TNRC6C: variants seen among roughly 807,000 people sequenced by gnomAD.
TNRC6C encodes the protein trinucleotide repeat containing adaptor 6C, also known as trinucleotide repeat-containing gene 6C protein.
In TNRC6C, 20 loss-of-function variants were observed where a neutral mutation model predicts 153.7. That is an observed-to-expected ratio of 0.13 (90% CI 0.09 to 0.19). TNRC6C has a LOEUF of 0.19. Among genes scored for constraint, TNRC6C ranks in the 10% least tolerant of loss-of-function variants. The pLI is 1.00. For missense variants in TNRC6C, 1,987 were observed against 2,172.0 expected, an observed-to-expected ratio of 0.91 and a Z score of 1.69; for synonymous variants, 811 against 841.4, an observed-to-expected ratio of 0.96 and a Z score of 0.63.
At chr17:78,074,680 G>A (rs1345719784) in intron 7 of TNRC6C, among the ~76,000 whole-genome samples, 1 of 152,222 alleles carries the variant, frequency 6.6e-6, no homozygotes, top group Non-Finnish European at 1.5e-5. Context: ...GGAGAGGCAT[G>A]GCCATGAAGT....
chr17:78,038,801 A>G (rs2072233298), intron 2 of TNRC6C, among the ~76,000 whole-genome samples: 2 of 151,790 alleles, frequency 1.3e-5, no homozygotes, highest in South Asian at 2.1e-4. Flanking sequence ...ATATTCCTCT[A>G]TTGTAATAAC....
chr17:78,068,064 T>G (rs1567949307), intron 5 of TNRC6C, 141 bp downstream of exon 7: 1 of 935,650 alleles, frequency 1.1e-6, no homozygotes, highest in Non-Finnish European at 1.5e-6. Flanking sequence ...CCAGAGACCC[T>G]TTCAGGGGAG....
At chr17:77,975,905 C>T (rs1046574098) in intron 1 of TNRC6C, among the ~76,000 whole-genome samples, 1 of 152,110 alleles carries the variant, frequency 6.6e-6, no homozygotes, top group Non-Finnish European at 1.5e-5. Flanking sequence ...TTATTTTTCT[C>T]ATTCCATGGT....
intron 6 of TNRC6C, among the ~76,000 whole-genome samples, chr17:78,071,538 C>T (rs930458346): frequency 6.6e-6 from 1 of 151,958 alleles, no homozygotes; most frequent in African/African-American, 2.4e-5. Context: ...CAGGCGTGAG[C>T]CACCATGCTC....
intron 3 of TNRC6C, among the ~76,000 whole-genome samples, chr17:78,059,180 G>A (rs1043077707): frequency 6.6e-6 from 1 of 152,206 alleles, no homozygotes; most frequent in Non-Finnish European, 1.5e-5. Flanking sequence ...GCAAGATCCT[G>A]TTACAGCTCA....
chr17:78,056,630 A>G (rs1033598880), intron 3 of TNRC6C, among the ~76,000 whole-genome samples: 11 of 150,976 alleles, frequency 7.3e-5, no homozygotes, highest in Admixed American at 2.0e-4. Flanking sequence ...CGCTCGGCTA[A>G]TTTTTTTTGT....
chr17:78,103,693 G>C (rs1366839477), intron 19 of TNRC6C, 140 bp downstream of exon 22: 4 of 1,250,136 alleles, frequency 3.2e-6, no homozygotes, highest in Non-Finnish European at 4.3e-6. Context: ...CTGGAGGCTG[G>C]AAGTCTGATA....
At chr17:78,027,023 A>G (rs2071954787) in intron 1 of TNRC6C, among the ~76,000 whole-genome samples, 1 of 152,166 alleles carries the variant, frequency 6.6e-6, no homozygotes. Flanking sequence ...GAAGTGTATC[A>G]AGTATAAAAG....
chr17:78,008,231 T>C (rs1323878231), intron 1 of TNRC6C, among the ~76,000 whole-genome samples: 1 of 152,248 alleles, frequency 6.6e-6, no homozygotes, highest in Non-Finnish European at 1.5e-5. Flanking sequence ...ATATGTAGCA[T>C]GCTTTCCTAC....
At chr17:78,086,855 T>A (rs1264091578) in exon 13 of TNRC6C, 1 of 1,611,668 alleles carries the variant, frequency 6.2e-7, no homozygotes, top group Admixed American at 1.7e-5. Context: ...CCTGCCAGGT[T>A]GCGCGCACAA....
At chr17:78,017,040 A>G (rs997916444) in intron 1 of TNRC6C, among the ~76,000 whole-genome samples, 1 of 152,152 alleles carries the variant, frequency 6.6e-6, no homozygotes, top group Non-Finnish European at 1.5e-5. Context: ...AAGTGTATGG[A>G]ACTGATAAAC....
chr17:78,042,764 ATGG>A (rs1390188120), intron 2 of TNRC6C, among the ~76,000 whole-genome samples: 4 of 151,580 alleles, frequency 2.6e-5, no homozygotes, highest in East Asian at 1.9e-4. Context: ...GGTGGTGATC[ATGG>A]TGGTGGTGCT....
chr17:77,990,395 T>C lies in TNRC6C; in HGVS notation c.-37-13775T>C, dbSNP rs531964146. Among the ~76,000 whole-genome samples the C allele has an allele frequency of 2.4e-4, 37 of 152,328 alleles. 1 individual carries two copies. The highest frequency in any genetic ancestry group is 1.6e-3 in the Admixed American group (24 of 15,292). ...CTCTGAAGATAAAGACAAAAAAATT[T>C]AACCTAAGTCTTCCCCACCAGACTG... On this transcript the variant is annotated intron_variant, in intron 1 of 22. Coordinates refer to the TNRC6C transcript ENST00000636222.
At chr17:78,021,431 G>A (rs903475618) in intron 1 of TNRC6C, among the ~76,000 whole-genome samples, 11 of 152,228 alleles carry the variant, frequency 7.2e-5, no homozygotes, top group Admixed American at 2.0e-4. Context: ...AAAAGCACCT[G>A]CGTTTCTAAG....
intron 2 of TNRC6C, among the ~76,000 whole-genome samples, chr17:78,038,069 A>C (rs1404677676): frequency 6.6e-6 from 1 of 152,230 alleles, no homozygotes; most frequent in Non-Finnish European, 1.5e-5. Flanking sequence ...AGCCATATGC[A>C]AGACAAATAT....
upstream of TNRC6C, among the ~76,000 whole-genome samples, chr17:77,958,614 G>A (rs558843444): frequency 1.3e-3 from 199 of 152,194 alleles, 1 homozygote; most frequent in African/African-American, 4.5e-3. Flanking sequence ...CTAGGGGCCG[G>A]GACGACTTCC....
intron 1 of TNRC6C, among the ~76,000 whole-genome samples, chr17:77,986,851 G>A (rs1392606511): frequency 6.6e-6 from 1 of 152,076 alleles, no homozygotes; most frequent in East Asian, 1.9e-4. Flanking sequence ...TGACTCCCAG[G>A]CACTGTTAGT....
chr17:77,962,808 TG>T (rs1205243604), intron 1 of TNRC6C, among the ~76,000 whole-genome samples: 2 of 152,232 alleles, frequency 1.3e-5, no homozygotes, highest in Non-Finnish European at 2.9e-5. Flanking sequence ...GGAAATATTT[TG>T]AAGTGTTGGT....
intron 1 of TNRC6C, among the ~76,000 whole-genome samples, chr17:78,027,966 G>A (rs951857678): frequency 1.7e-4 from 25 of 146,908 alleles, no homozygotes; most frequent in Admixed American, 1.3e-3. Flanking sequence ...TGCGATCTCC[G>A]CTCATTGCAA....
Sources: allele counts gnomAD v4.1 joint callset (sites outside exome capture counted in the v4.1 genomes callset), GRCh38; gene constraint gnomAD v4.1.1; transcripts MANE v1.5; gene names NCBI Gene and HGNC (gene_info 2026-07-23, HGNC 2026-07-21).